Variants in ERAP1 observed in about 807,000 individuals in gnomAD.
The protein encoded by ERAP1 is endoplasmic reticulum aminopeptidase 1, also known as adipocyte-derived leucine aminopeptidase.
A neutral mutation model predicts 103.7 loss-of-function variants in ERAP1; 86 were observed. That is an observed-to-expected ratio of 0.83 (90% CI 0.70 to 0.99). The LOEUF (loss-of-function observed/expected upper bound fraction) is 0.99, where lower values mean the gene tolerates loss of function less well. Ranked by LOEUF, ERAP1 falls within the 50% of genes least tolerant of loss-of-function variation. ERAP1 has a pLI of 0.00. For synonymous variants in ERAP1, 398 were observed against 402.4 expected, an observed-to-expected ratio of 0.99 and a Z score of 0.13; for missense variants, 1,009 against 1,128.4, an observed-to-expected ratio of 0.89 and a Z score of 1.52.
chr5:96,921,831 G>C, the ERAP1 span, among the ~76,000 whole-genome samples: 1 of 152,004 alleles, frequency 6.6e-6, no homozygotes, highest in South Asian at 2.1e-4. Flanking sequence ...TCATTCCTCC[G>C]TAAGGAATTC....
intron 1 of ERAP1, chr5:96,804,242 T>C: frequency 2.5e-6 from 1 of 406,642 alleles, no homozygotes. Flanking sequence ...CTCTGGCTGA[T>C]ATAGGCAGAA....
At chr5:96,821,472 T>C in the ERAP1 span, among the ~76,000 whole-genome samples, 1 of 151,994 alleles carries the variant, frequency 6.6e-6, no homozygotes, top group Non-Finnish European at 1.5e-5. Flanking sequence ...TGGGCACACG[T>C]AGGGGAAGGG....
At chr5:96,833,132 C>T in the ERAP1 span, among the ~76,000 whole-genome samples, 1 of 152,170 alleles carries the variant, frequency 6.6e-6, no homozygotes, top group Non-Finnish European at 1.5e-5. Flanking sequence ...ATAAGCCACC[C>T]AAAATACGCT....
At chr5:96,921,464 G>A in the ERAP1 span, among the ~76,000 whole-genome samples, 1 of 152,184 alleles carries the variant, frequency 6.6e-6, no homozygotes, top group East Asian at 1.9e-4. Context: ...ATTTGTTTAG[G>A]ATTTAAATCA....
At chr5:96,842,313 T>C in the ERAP1 span, among the ~76,000 whole-genome samples, 11 of 152,316 alleles carry the variant, frequency 7.2e-5, no homozygotes, top group South Asian at 2.1e-3. Context: ...AGTAGTAGGA[T>C]TGCTGGATCA....
chr5:96,904,739 G>T, the ERAP1 span, among the ~76,000 whole-genome samples: 1 of 152,170 alleles, frequency 6.6e-6, no homozygotes, highest in South Asian at 2.1e-4. Context: ...TGACAATTCA[G>T]CAAATTAATC....
the ERAP1 span, chr5:96,902,134 T>C: frequency 1.0e-5 from 6 of 582,450 alleles, no homozygotes; most frequent in South Asian, 1.5e-4. Context: ...TCTTAGCCTA[T>C]AAAATTTATA....
At chr5:96,898,611 T>A in the ERAP1 span, among the ~76,000 whole-genome samples, 1 of 146,500 alleles carries the variant, frequency 6.8e-6, no homozygotes, top group African/African-American at 2.5e-5. Flanking sequence ...GTCTGGTGGA[T>A]CACCTGTAAT....
chr5:96,799,423 A>G (rs1196202395), intron 3 of ERAP1, among the ~76,000 whole-genome samples: 1 of 152,034 alleles, frequency 6.6e-6, no homozygotes, highest in African/African-American at 2.4e-5. Context: ...AAGGGACAAC[A>G]TTGCATTAGA....
At chr5:96,830,776 A>G in the ERAP1 span, among the ~76,000 whole-genome samples, 3 of 152,206 alleles carry the variant, frequency 2.0e-5, no homozygotes, top group Non-Finnish European at 2.9e-5. Context: ...GCCTCTGGAG[A>G]GGAAGGAAGT....
the ERAP1 span, chr5:96,902,406 T>C: frequency 8.9e-7 from 1 of 1,118,674 alleles, no homozygotes; most frequent in Non-Finnish European, 1.4e-6. Context: ...TAAACATGTG[T>C]TGAGCTATTT....
At chr5:96,913,283 A>C in the ERAP1 span, 1 of 1,578,468 alleles carries the variant, frequency 6.3e-7, no homozygotes, top group South Asian at 1.1e-5. Context: ...CATAATACCT[A>C]CTATTTAGAA....
intron 1 of ERAP1, among the ~76,000 whole-genome samples, chr5:96,807,259 T>C (rs540189142): frequency 1.8e-4 from 27 of 152,182 alleles, no homozygotes; most frequent in Middle Eastern, 3.4e-3. Flanking sequence ...AGAGAGAGAA[T>C]TGCTGACCAG....
At chr5:96,935,783 C>A in the ERAP1 span, 73 of 231,140 alleles carry the variant, frequency 3.2e-4, no homozygotes, top group Non-Finnish European at 5.6e-4. Context: ...TCGGGCGGGT[C>A]GCAGTAGGGC....
the ERAP1 span, among the ~76,000 whole-genome samples, chr5:96,905,513 A>G: frequency 6.6e-6 from 1 of 152,238 alleles, no homozygotes; most frequent in Admixed American, 6.5e-5. Flanking sequence ...AATAGATAAA[A>G]ATAAATAATT....
At chr5:96,858,219 T>TTC in the ERAP1 span, among the ~76,000 whole-genome samples, 2 of 135,890 alleles carry the variant, frequency 1.5e-5, no homozygotes, top group Non-Finnish European at 3.3e-5. Context: ...TTCTTCTTCT[T>TTC]TTTTTTTTTT....
rs1185750836 is a variant in ERAP1, at chr5:96,800,996, G to C, written c.529C>G (p.Leu177Val). The C allele has an allele frequency of 7.4e-6, 12 of 1,613,986 alleles. No individual in the cohort carries two copies. The highest frequency in any genetic ancestry group is 1.0e-5 in the Non-Finnish European group (12 of 1,180,012). ...YRTKEGELRI[L>V]ASTQFEPTAA... ...GTGGGTTCAAATTGTGTTGATGCTA[G>C]TATCCTAAAATTAAGGCAAGTGAAA... Residue 177 changes from leucine to valine, a missense_variant, in exon 3 of 19, where the codon CTA (leucine) becomes GTA (valine). Physicochemically the swap from Leu to Val is conservative, Grantham distance 32. Transcript: ENST00000443439.
intron 4 of ERAP1, among the ~76,000 whole-genome samples, chr5:96,795,495 G>A (rs1044492461): frequency 3.3e-5 from 5 of 152,114 alleles, no homozygotes; most frequent in South Asian, 2.1e-4. Flanking sequence ...TAACCCTGCC[G>A]GCACTAGCCC....
At chr5:96,877,216 C>A in the ERAP1 span, among the ~76,000 whole-genome samples, 1 of 152,218 alleles carries the variant, frequency 6.6e-6, no homozygotes, top group African/African-American at 2.4e-5. Flanking sequence ...CTCAGGTGAT[C>A]TGCCCACCTT....
Sources: gnomAD v4.1 joint callset for allele counts (sites outside exome capture counted in the v4.1 genomes callset) on GRCh38, gnomAD v4.1.1 for gene constraint, MANE v1.5 for transcripts, NCBI Gene and HGNC (gene_info 2026-07-23, HGNC 2026-07-21) for gene names.